CAMTA1: variants seen among roughly 807,000 people sequenced by gnomAD.
The protein encoded by CAMTA1 is calmodulin binding transcription activator 1.
CAMTA1 carries 27 observed loss-of-function variants against 170.9 expected under a neutral mutation model. The observed-to-expected ratio is 0.16, with a 90% CI of 0.12 to 0.22. The LOEUF (loss-of-function observed/expected upper bound fraction) is 0.22. Ranked by LOEUF, CAMTA1 falls within the 10% of genes least tolerant of loss-of-function variation. The probability of loss-of-function intolerance (pLI) is 1.00; values close to 1 mark genes in which losing one functional copy is unlikely to be tolerated. For missense variants in CAMTA1, 1,619 were observed against 2,217.2 expected, an observed-to-expected ratio of 0.73 and a Z score of 5.42; for synonymous variants, 833 against 891.5, an observed-to-expected ratio of 0.93 and a Z score of 1.17.
chr1:7,574,186 G>A (rs745554068), intron 6 of CAMTA1, among the ~76,000 whole-genome samples: 19 of 128,634 alleles, frequency 1.5e-4, no homozygotes, highest in Non-Finnish European at 1.9e-4. Context: ...GGAGTAACAG[G>A]AGAAAGACAC....
chr1:7,543,283 T>A (rs1421441586), intron 6 of CAMTA1, among the ~76,000 whole-genome samples: 1 of 152,240 alleles, frequency 6.6e-6, no homozygotes, highest in African/African-American at 2.4e-5. Context: ...AATAATACTC[T>A]GATGAACATC....
chr1:7,477,810 C>T (rs2093446132), intron 6 of CAMTA1, among the ~76,000 whole-genome samples: 1 of 152,186 alleles, frequency 6.6e-6, no homozygotes, highest in South Asian at 2.1e-4. Context: ...TGCTATGTGG[C>T]CAGAGCCCTC....
At chr1:6,963,129 A>C (rs1690802223) in intron 3 of CAMTA1, among the ~76,000 whole-genome samples, 1 of 139,870 alleles carries the variant, frequency 7.1e-6, no homozygotes, top group Non-Finnish European at 1.6e-5. Context: ...GGCCTCACCC[A>C]CTCCACCTTC....
At chr1:7,215,792 TGTG>T (rs753089532) in intron 4 of CAMTA1, among the ~76,000 whole-genome samples, 7 of 152,250 alleles carry the variant, frequency 4.6e-5, no homozygotes, top group Non-Finnish European at 8.8e-5. Flanking sequence ...TTTATTAGAC[TGTG>T]ATCAGAAAAT....
At chr1:7,747,608 A>G in intron 18 of CAMTA1, 102 bp from the exon 19 acceptor site, 1 of 655,266 alleles carries the variant, frequency 1.5e-6, no homozygotes, top group Non-Finnish European at 2.5e-6. Context: ...TAAACCTGGG[A>G]TCTCAACTCT....
At chr1:6,904,050 C>G (rs896353209) in intron 3 of CAMTA1, among the ~76,000 whole-genome samples, 1 of 152,254 alleles carries the variant, frequency 6.6e-6, no homozygotes, top group African/African-American at 2.4e-5. Flanking sequence ...CTCTACTCAG[C>G]AATGTGCTGC....
intron 3 of CAMTA1, among the ~76,000 whole-genome samples, chr1:7,022,082 G>A (rs1011544101): frequency 6.2e-4 from 94 of 152,352 alleles, no homozygotes; most frequent in Middle Eastern, 6.8e-3. Context: ...CTCCCCTCCA[G>A]TACTAGTTGT....
rs1379728885 is a variant in CAMTA1 at position 7,732,941 on chromosome 1, C to T, written c.3066+342C>T. On this transcript the variant is annotated intron_variant, in intron 12 of 22. Coordinates refer to ENST00000303635, the MANE Select transcript of CAMTA1 (RefSeq NM_015215.4). The surrounding 1 kb of genome is among the most constrained non-coding windows in gnomAD (Gnocchi z 4.1). ...GGGCATGGTGGCTCACGCCTATAAT[C>T]CCAGCGCTGTAGGAGGCCAAGACGG... Among the ~76,000 whole-genome samples, 1 of 152,150 alleles carries T rather than the reference C, an allele frequency of 6.6e-6. No individual in the cohort carries two copies. Among genetic ancestry groups the T allele is most frequent in the East Asian group, 1.9e-4 (1 of 5,198 alleles).
intron 6 of CAMTA1, among the ~76,000 whole-genome samples, chr1:7,638,774 C>T (rs994642597): frequency 7.2e-5 from 11 of 152,110 alleles, no homozygotes; most frequent in South Asian, 4.1e-4. Flanking sequence ...TCAGTATTGT[C>T]GTGGCCAGAT....
chr1:7,087,936 A>C (rs529453503), intron 3 of CAMTA1, among the ~76,000 whole-genome samples: 29 of 152,306 alleles, frequency 1.9e-4, no homozygotes, highest in African/African-American at 6.7e-4. Flanking sequence ...AATCTCCCCA[A>C]ACGAGTTCCT....
At chr1:7,636,870 T>C (rs1429972918) in intron 6 of CAMTA1, among the ~76,000 whole-genome samples, 1 of 152,220 alleles carries the variant, frequency 6.6e-6, no homozygotes, top group Non-Finnish European at 1.5e-5. Flanking sequence ...TGTTGGACTG[T>C]CGTAGCTGCA....
intron 3 of CAMTA1, among the ~76,000 whole-genome samples, chr1:6,835,863 A>C (rs942440090): frequency 1.1e-4 from 17 of 152,206 alleles, no homozygotes; most frequent in African/African-American, 4.1e-4. Flanking sequence ...ATGTCTTGAC[A>C]TATAGGAAGC....
In CAMTA1 at chr1:7,690,980, G is replaced by A. The variant is rs563202761; in HGVS notation, c.2914+13247G>A. On this transcript the variant is annotated intron_variant, in intron 11 of 22. Transcript: ENST00000303635. ...GTACCCGTTAGGTGCCAGGCACTGC[G>A]TCACGTGATGAGTATCAGAAGAAAT... Among the ~76,000 whole-genome samples the A allele has an allele frequency of 4.6e-5, 7 of 152,300 alleles. No homozygotes were observed. In the South Asian group the frequency reaches 8.3e-4, roughly 18 times the overall value.
chr1:7,265,304 C>CT (rs2149374955), intron 5 of CAMTA1, among the ~76,000 whole-genome samples: 1 of 152,204 alleles, frequency 6.6e-6, no homozygotes, highest in Admixed American at 6.5e-5. Context: ...ATTATTTTAG[C>CT]TTTTTAATTT....
At position 7,665,282 on chromosome 1, in the gene CAMTA1, T is replaced by A; in HGVS notation, c.2652+83T>A. On this transcript the variant is annotated intron_variant, in intron 9 of 22. Transcript: ENST00000303635. The surrounding 1 kb of genome is among the most constrained non-coding windows in gnomAD (Gnocchi z 4.3). ...CCTGCGCCACCCTGCAGCTAAGGGA[T>A]GCCTGTGGCTGCCCTTCAGAGGAAG... The A allele has an allele frequency of 1.8e-6, 2 of 1,126,052 alleles. No individual in the cohort carries two copies. The highest frequency in any genetic ancestry group is 2.4e-6 in the Non-Finnish European group (2 of 844,082). 69.8% of individuals were successfully genotyped at this position (1,126,052 alleles called of 1,614,324 possible). A position where few individuals can be genotyped will look rare whatever the true frequency, so the allele number is the denominator to read the frequency against.
intron 3 of CAMTA1, among the ~76,000 whole-genome samples, chr1:6,935,744 A>G (rs968121394): frequency 1.3e-5 from 2 of 152,286 alleles, no homozygotes; most frequent in East Asian, 3.9e-4. Context: ...TCCTTCCTGG[A>G]CTGAAAAGTG....
At chr1:7,676,203 C>G (rs2096118955) in intron 10 of CAMTA1, among the ~76,000 whole-genome samples, 2 of 152,220 alleles carry the variant, frequency 1.3e-5, no homozygotes, top group South Asian at 4.1e-4. Context: ...CCCAGGGATG[C>G]CAACAGAGCC....
At chr1:7,033,471 C>A (rs1264899171) in intron 3 of CAMTA1, among the ~76,000 whole-genome samples, 6 of 150,646 alleles carry the variant, frequency 4.0e-5, no homozygotes, top group Non-Finnish European at 3.0e-5. Context: ...GATTTTTCTT[C>A]TTATTATGAA....
intron 3 of CAMTA1, among the ~76,000 whole-genome samples, chr1:7,069,296 A>C (rs1049616276): frequency 6.6e-6 from 1 of 152,216 alleles, no homozygotes; most frequent in Non-Finnish European, 1.5e-5. Context: ...TCCAAGGACA[A>C]ATATGAGACT....
Sources: gnomAD v4.1 joint callset for allele counts (sites outside exome capture counted in the v4.1 genomes callset) on GRCh38, gnomAD v4.1.1 for gene constraint, Gnocchi (gnomAD v3.1) non-coding constraint, MANE v1.5 for transcripts, NCBI Gene and HGNC (gene_info 2026-07-23, HGNC 2026-07-21) for gene names.